The following TSHZ3 variants were observed in gnomAD, a reference collection of about 807,000 sequenced individuals.
TSHZ3 encodes teashirt zinc finger homeobox 3.
TSHZ3 carries 10 observed loss-of-function variants against 64.5 expected under a neutral mutation model. The observed-to-expected ratio is 0.16, with a 90% CI of 0.10 to 0.26. The LOEUF (loss-of-function observed/expected upper bound fraction) is 0.26. Ranked by LOEUF, TSHZ3 falls within the 10% of genes least tolerant of loss-of-function variation. The pLI, the probability that TSHZ3 is intolerant of heterozygous loss-of-function variation, is 1.00. For synonymous variants in TSHZ3, 608 were observed against 593.1 expected (o/e 1.03, Z -0.36); for missense variants, 1,242 against 1,421.7 (o/e 0.87, Z 2.03).
rs775165154 is a variant in TSHZ3 at position 31,194,118 on chromosome 19, G to A, written n.809+10838C>T. Among the ~76,000 whole-genome samples, 26 of 152,234 alleles carry A rather than the reference G, an allele frequency of 1.7e-4. 1 individual carries two copies. The highest frequency in any genetic ancestry group is 5.2e-4 in the Admixed American group (8 of 15,290). On this transcript the variant is annotated intron_variant and non_coding_transcript_variant, in intron 5 of 6. Coordinates refer to the TSHZ3 transcript ENST00000651361. ...GAGCAGAACTTCTGAAGGAATCAGCGCCAAAGTCGGGAAATCTGAACTGTA... is the reference window on the plus strand; with the variant it reads ...GAGCAGAACTTCTGAAGGAATCAGCACCAAAGTCGGGAAATCTGAACTGTA...
At chr19:31,153,183 G>A (rs1273930596) in intron 6 of TSHZ3, among the ~76,000 whole-genome samples, 3 of 152,128 alleles carry the variant, frequency 2.0e-5, no homozygotes, top group Non-Finnish European at 4.4e-5. Context: ...ATGATACCGT[G>A]TGACATAAGA....
intron 5 of TSHZ3, among the ~76,000 whole-genome samples, chr19:31,179,588 TGTG>T (rs1258278979): frequency 1.3e-5 from 2 of 151,592 alleles, no homozygotes; most frequent in East Asian, 1.9e-4. Flanking sequence ...CAGTGATAAT[TGTG>T]GTGGTGGTGA....
chr19:31,163,268 A>G (rs1191939720), intron 5 of TSHZ3, among the ~76,000 whole-genome samples: 7 of 152,194 alleles, frequency 4.6e-5, no homozygotes, highest in Non-Finnish European at 1.5e-5. Flanking sequence ...CAGATAAGCT[A>G]AAGCATAGGG....
intron 1 of TSHZ3, among the ~76,000 whole-genome samples, chr19:31,247,219 T>C (rs1599603366): frequency 6.6e-6 from 1 of 152,148 alleles, no homozygotes; most frequent in African/African-American, 2.4e-5. Context: ...GATATTTACA[T>C]AGTCTTGAAA....
At chr19:31,249,299 C>A (rs1376960369) in intron 1 of TSHZ3, among the ~76,000 whole-genome samples, 1 of 152,186 alleles carries the variant, frequency 6.6e-6, no homozygotes, top group Non-Finnish European at 1.5e-5. Context: ...GGCAGGATAG[C>A]CCACCCAACG....
At chr19:31,310,888 G>T (rs1243047068) in intron 1 of TSHZ3, among the ~76,000 whole-genome samples, 1 of 152,226 alleles carries the variant, frequency 6.6e-6, no homozygotes, top group Non-Finnish European at 1.5e-5. Context: ...ACAGAAATTA[G>T]AATTTTCCAT....
chr19:31,284,126 T>C (rs1976413207), intron 1 of TSHZ3, among the ~76,000 whole-genome samples: 1 of 152,292 alleles, frequency 6.6e-6, no homozygotes, highest in South Asian at 2.1e-4. Flanking sequence ...CTGAATTCTC[T>C]AAGGGAGGGA....
chr19:31,198,329 T>C (rs865993742), intron 5 of TSHZ3, among the ~76,000 whole-genome samples: 1 of 152,108 alleles, frequency 6.6e-6, no homozygotes, highest in African/African-American at 2.4e-5. Flanking sequence ...ACAGCTAATG[T>C]CATAGTTAAT....
chr19:31,315,143 T>C (rs1916566036), intron 1 of TSHZ3, among the ~76,000 whole-genome samples: 1 of 152,246 alleles, frequency 6.6e-6, no homozygotes, highest in African/African-American at 2.4e-5. Flanking sequence ...CAGAAATGTA[T>C]GAGCTACCTG....
At position 31,249,989 on chromosome 19, in the gene TSHZ3, C is replaced by T. The variant is rs570838466; in HGVS notation, n.64-7114G>A. Among the ~76,000 whole-genome samples the T allele has an allele frequency of 3.9e-4, 59 of 152,342 alleles. 1 individual carries two copies. The highest frequency in any genetic ancestry group is 3.4e-3 in the Middle Eastern group (1 of 294). The stretch of plus-strand genomic sequence containing the variant: ...CCTGGAGCCTCGGTTCTCCTGGACT[C>T]AGAGAGGGACATGAGCTGCTGCTCT... On this transcript the variant is annotated intron_variant and non_coding_transcript_variant, in intron 1 of 6. Transcript: ENST00000651361.
At chr19:31,220,339 C>T (rs138464019) in intron 4 of TSHZ3, among the ~76,000 whole-genome samples, 1 of 152,244 alleles carries the variant, frequency 6.6e-6, no homozygotes, top group East Asian at 1.9e-4. Flanking sequence ...CCAAAAGTTG[C>T]CCCATGATGG....
At chr19:31,256,601 A>G (rs1483991724) in intron 1 of TSHZ3, among the ~76,000 whole-genome samples, 1 of 152,124 alleles carries the variant, frequency 6.6e-6, no homozygotes, top group African/African-American at 2.4e-5. Context: ...TTTATCATAT[A>G]TGCCTTCATT....
intron 1 of TSHZ3, among the ~76,000 whole-genome samples, chr19:31,318,214 C>G (rs913378707): frequency 1.3e-5 from 2 of 152,038 alleles, no homozygotes; most frequent in Non-Finnish European, 2.9e-5. Flanking sequence ...CTTATTCATT[C>G]TTTGATATTG....
intron 1 of TSHZ3, among the ~76,000 whole-genome samples, chr19:31,343,719 T>C (rs1026683002): frequency 2.0e-5 from 3 of 151,844 alleles, no homozygotes; most frequent in African/African-American, 7.3e-5. Flanking sequence ...TTTCTACAAA[T>C]GGTGAAAAAT....
chr19:31,174,534 A>C (rs558592438), intron 5 of TSHZ3, among the ~76,000 whole-genome samples: 14 of 152,348 alleles, frequency 9.2e-5, no homozygotes, highest in African/African-American at 3.1e-4. Context: ...GGCCCAGATC[A>C]CCTAAAATGA....
rs558919715 is a variant in TSHZ3, at chr19:31,338,188, G to C, written c.40+10992C>G. On this transcript the variant is annotated intron_variant, in intron 1 of 1. Transcript: ENST00000240587. ...GAGGTGGAAAGGCCAGAGCTTCACC[G>C]ACTCCTCAGGCAGCTGGGGGCTGTG... 5.8e-4 allele frequency among the ~76,000 whole-genome samples: 89 copies of C among 152,344 alleles called. No homozygotes were observed. The South Asian group carries it at 7.9e-3, about 13-fold the overall frequency.
At chr19:31,241,730 G>A (rs1408952935) in intron 3 of TSHZ3, among the ~76,000 whole-genome samples, 1 of 152,216 alleles carries the variant, frequency 6.6e-6, no homozygotes, top group Non-Finnish European at 1.5e-5. Context: ...TGCTGTGATT[G>A]TGCTACTATT....
At chr19:31,151,406 T>C (rs2145093746) in exon 7 of TSHZ3, among the ~76,000 whole-genome samples, 1 of 152,310 alleles carries the variant, frequency 6.6e-6, no homozygotes, top group East Asian at 1.9e-4. Flanking sequence ...ATGAGCCATC[T>C]TCTTCCAGGG....
At chr19:31,271,829 A>G (rs915395632), downstream of TSHZ3, among the ~76,000 whole-genome samples, 1 of 152,226 alleles carries the variant, frequency 6.6e-6, no homozygotes, top group Non-Finnish European at 1.5e-5. Context: ...TATCTGGCAG[A>G]GTAAAGATGG....
Sources: gnomAD v4.1 joint callset for allele counts (sites outside exome capture counted in the v4.1 genomes callset) on GRCh38, gnomAD v4.1.1 for gene constraint, MANE v1.5 for transcripts, NCBI Gene and HGNC (gene_info 2026-07-23, HGNC 2026-07-21) for gene names.